DDX59: variants seen among roughly 807,000 people sequenced by gnomAD.
DDX59 encodes DEAD-box helicase 59.
A neutral mutation model predicts 51.9 loss-of-function variants in DDX59; 30 were observed. The observed-to-expected ratio is 0.58, with a 90% CI of 0.43 to 0.78. The LOEUF (loss-of-function observed/expected upper bound fraction) is 0.78. DDX59 is among the 30% of genes least tolerant of loss of function. The pLI is 0.00. For missense variants in DDX59, 672 were observed against 730.8 expected, an observed-to-expected ratio of 0.92 and a Z score of 0.93; for synonymous variants, 255 against 253.3, an observed-to-expected ratio of 1.01 and a Z score of -0.06.
chr1:200,653,189 G>A (rs1405427543), intron 4 of DDX59, among the ~76,000 whole-genome samples: 1 of 152,120 alleles, frequency 6.6e-6, no homozygotes, highest in African/African-American at 2.4e-5. Flanking sequence ...TCATATCTCA[G>A]GCCACAACTG....
In DDX59 at chr1:200,651,338, G is replaced by A. The variant is rs756929026; in HGVS notation, c.1063-662C>T. ...CATATGTTGAAATCTAACCCACAATGTACGGGTAATAAGAGGGGAAGCCTT... is the reference window on the plus strand; with the variant it reads ...CATATGTTGAAATCTAACCCACAATATACGGGTAATAAGAGGGGAAGCCTT... On this transcript the variant is annotated intron_variant, in intron 4 of 7. Transcript: ENST00000331314. Among the ~76,000 whole-genome samples the A allele has an allele frequency of 2.0e-4, 31 of 152,138 alleles. 1 individual carries two copies. The highest frequency in any genetic ancestry group is 7.9e-4 in the Admixed American group (12 of 15,266).
chr1:200,655,286 A>C (rs889779371), intron 4 of DDX59, among the ~76,000 whole-genome samples: 3 of 152,176 alleles, frequency 2.0e-5, no homozygotes, highest in Non-Finnish European at 4.4e-5. Context: ...ATCCTCAGGC[A>C]TCAGAAGACT....
intron 1 of DDX59, among the ~76,000 whole-genome samples, chr1:200,667,318 T>C (rs573603329): frequency 1.3e-5 from 2 of 152,298 alleles, no homozygotes; most frequent in East Asian, 3.9e-4. Flanking sequence ...GAAGAATCTC[T>C]TGAACCCAGG....
chr1:200,669,173 T>G (rs1662984315), intron 1 of DDX59, among the ~76,000 whole-genome samples: 1 of 152,228 alleles, frequency 6.6e-6, no homozygotes. Context: ...TTTGCAAAAT[T>G]ACAGTTATTG....
rs1158287365 is a variant in DDX59 at position 200,666,400 on chromosome 1, T to A, written c.341A>T (p.Tyr114Phe). The change falls in exon 2 of 8, where the codon TAT becomes TTT. Residue 114 changes from tyrosine to phenylalanine, a missense_variant. By Grantham distance (22) the Tyr-to-Phe change is conservative (BLOSUM62 3). Coordinates refer to ENST00000331314, the MANE Select transcript of DDX59 (RefSeq NM_001031725.6). ...GEPICVVCGR[Y>F]GEYICDKTDE... ...TGTCTTATCACAGATATACTCTCCA[T>A]AACGACCACAGACAACACAGATGGG... is the stretch of plus-strand genomic sequence containing the variant. 2 of 1,614,074 alleles carry A rather than the reference T, an allele frequency of 1.2e-6. No homozygotes were observed. Among genetic ancestry groups the A allele is most frequent in the South Asian group, 2.2e-5 (2 of 91,088 alleles).
chr1:200,652,288 G>T (rs900545061), intron 4 of DDX59, among the ~76,000 whole-genome samples: 2 of 152,140 alleles, frequency 1.3e-5, no homozygotes, highest in Non-Finnish European at 2.9e-5. Context: ...AAGCAGCTGG[G>T]ACTATAGGTA....
intron 3 of DDX59, among the ~76,000 whole-genome samples, chr1:200,663,318 T>C (rs905189086): frequency 6.6e-5 from 10 of 152,188 alleles, no homozygotes; most frequent in African/African-American, 2.4e-4. Flanking sequence ...AAACCTTCCA[T>C]TAAACATTTT....
At chr1:200,654,648 C>T (rs1024680869) in intron 4 of DDX59, 1 of 152,256 alleles carries the variant, frequency 6.6e-6, no homozygotes, top group African/African-American at 2.4e-5. Context: ...GGCCTAAAAT[C>T]TGACAGGGGG....
chr1:200,650,711 G>A (rs751133027), intron 4 of DDX59, 35 bp from the exon 5 acceptor site: 3 of 1,537,720 alleles, frequency 2.0e-6, no homozygotes, highest in African/African-American at 2.7e-5. Context: ...AGTCTTGTTT[G>A]ACATTAAAAC....
intron 4 of DDX59, among the ~76,000 whole-genome samples, chr1:200,652,007 CAAAAAAAAA>C (rs71135375): frequency 1.2e-5 from 1 of 82,926 alleles, no homozygotes. Context: ...GCCTCCGTCT[CAAAAAAAAA>C]AAAAAAAAAA....
At chr1:200,665,023 A>C (rs1208277458) in intron 2 of DDX59, among the ~76,000 whole-genome samples, 1 of 152,146 alleles carries the variant, frequency 6.6e-6, no homozygotes, top group African/African-American at 2.4e-5. Flanking sequence ...TTCATACTTC[A>C]CAAGTTCATC....
At chr1:200,643,215 G>A (rs372340922), downstream of DDX59, among the ~76,000 whole-genome samples, 22 of 152,134 alleles carry the variant, frequency 1.4e-4, no homozygotes, top group East Asian at 2.7e-3. Context: ...GAGCCTGGGA[G>A]GTTAAGGCTG....
chr1:200,653,569 C>CT (rs1366152428), intron 4 of DDX59, among the ~76,000 whole-genome samples: 2 of 152,218 alleles, frequency 1.3e-5, no homozygotes, highest in Admixed American at 6.5e-5. Context: ...TCCTCCTCTG[C>CT]TTAAACCCTC....
chr1:200,644,056 T>C lies in DDX59; in HGVS notation c.*198A>G, dbSNP rs771321270. On this transcript the variant is annotated 3_prime_UTR_variant, in exon 8 of 8. Coordinates refer to ENST00000331314, the MANE Select transcript of DDX59 (RefSeq NM_001031725.6). The stretch of plus-strand genomic sequence containing the variant: ...ACTTCATCCAGAAAAGAAAACACTG[T>C]CTTTTATTTAATAATTCATTTTCTG... 2.3e-5 allele frequency: 12 copies of C among 524,854 alleles called. No homozygotes were observed. Among genetic ancestry groups the C allele is most frequent in the Non-Finnish European group, 2.5e-5 (10 of 398,386 alleles). The allele number at this position is 524,854 out of a possible 1,614,324, so 32.5% of individuals were successfully genotyped here.
intron 3 of DDX59, among the ~76,000 whole-genome samples, chr1:200,660,556 G>A (rs1165666080): frequency 6.6e-6 from 1 of 152,054 alleles, no homozygotes; most frequent in African/African-American, 2.4e-5. Context: ...GCGGGAGGTA[G>A]GCTACATAGA....
At chr1:200,658,800 AT>A (rs1409865190) in intron 4 of DDX59, among the ~76,000 whole-genome samples, 1 of 152,202 alleles carries the variant, frequency 6.6e-6, no homozygotes, top group African/African-American at 2.4e-5. Flanking sequence ...TACATATTGA[AT>A]TTGTGTTTTC....
At chr1:200,646,280 G>A (rs1314479940) in intron 7 of DDX59, among the ~76,000 whole-genome samples, 1 of 152,034 alleles carries the variant, frequency 6.6e-6, no homozygotes, top group Admixed American at 6.6e-5. Context: ...GTTACAGTGA[G>A]CTATGACTGT....
chr1:200,644,135 T>C lies in DDX59; in HGVS notation c.*119A>G. 1 of 804,052 alleles carries C rather than the reference T, an allele frequency of 1.2e-6. No individual in the cohort carries two copies. The highest frequency in any genetic ancestry group is 1.6e-6 in the Non-Finnish European group (1 of 616,364). The allele number at this position is 804,052 out of a possible 1,614,324, so 49.8% of individuals were successfully genotyped here. ...AATAAATACAATATAGTTATATAAA[T>C]TTTATTAAATTAAAAATATCTTAAA... On this transcript the variant is annotated 3_prime_UTR_variant, in exon 8 of 8. Transcript: ENST00000331314.
At chr1:200,655,670 A>G (rs1661973366) in intron 4 of DDX59, among the ~76,000 whole-genome samples, 1 of 152,154 alleles carries the variant, frequency 6.6e-6, no homozygotes, top group Admixed American at 6.6e-5. Flanking sequence ...ACTTTGAAGA[A>G]CTGATACATC....
Sources: allele counts gnomAD v4.1 joint callset (sites outside exome capture counted in the v4.1 genomes callset), GRCh38; gene constraint gnomAD v4.1.1; transcripts MANE v1.5; gene names NCBI Gene and HGNC (gene_info 2026-07-23, HGNC 2026-07-21).